OR8D1: variants seen among roughly 807,000 people sequenced by gnomAD.
OR8D1 encodes the protein olfactory receptor 8D1.
For missense variants in OR8D1, 384 were observed against 366.8 expected (o/e 1.05, Z -0.38); for synonymous variants, 143 against 147.0 (o/e 0.97, Z 0.20).
rs558296650 is a variant in OR8D1, at chr11:124,305,920, C to G, written c.*3920G>C. The G allele has an allele frequency of 6.6e-6, 1 of 151,882 alleles. No individual in the cohort carries two copies. Among genetic ancestry groups the G allele is most frequent in the Non-Finnish European group, 1.5e-5 (1 of 67,866 alleles). The allele number at this position is 151,882 out of a possible 1,614,324, so 9.4% of individuals were successfully genotyped here. ...ATACATATCAGTATCATTTATCATG[C>G]CCGTCTTCTTAACTTACTATATACT... On this transcript the variant is annotated 3_prime_UTR_variant, in exon 3 of 3. Coordinates refer to ENST00000641015, the MANE Select transcript of OR8D1 (RefSeq NM_001002917.2).
In OR8D1 at chr11:124,308,238, A is replaced by T. The variant is rs1212038258; in HGVS notation, c.*1602T>A. On this transcript the variant is annotated 3_prime_UTR_variant, in exon 3 of 3. Coordinates refer to ENST00000641015, the MANE Select transcript of OR8D1 (RefSeq NM_001002917.2). ...AGAGAGAGAAGAGGACAGGTTAGAA[A>T]ACTATGTGGCACCAAATGATAATTT... 1 of 152,130 alleles carries T rather than the reference A, an allele frequency of 6.6e-6. No homozygotes were observed. The highest frequency in any genetic ancestry group is 2.4e-5 in the African/African-American group (1 of 41,446). The allele number at this position is 152,130 out of a possible 1,614,324, so 9.4% of individuals were successfully genotyped here.
rs1443478668 is a variant in OR8D1 at position 124,304,981 on chromosome 11, A to G, written c.*4859T>C. 5 of 151,900 alleles carry G rather than the reference A, an allele frequency of 3.3e-5. No homozygotes were observed. Among genetic ancestry groups the G allele is most frequent in the African/African-American group, 4.8e-5 (2 of 41,430 alleles). 9.4% of individuals were successfully genotyped at this position (151,900 alleles called of 1,614,324 possible). On this transcript the variant is annotated 3_prime_UTR_variant, in exon 3 of 3. Coordinates refer to ENST00000641015, the MANE Select transcript of OR8D1 (RefSeq NM_001002917.2). ...TGTAAGAAATGTTTGACTACCTCCC[A>G]GTCACAAAGATAGCTCTTATGCTCC...
rs1429646109 is a variant in OR8D1, at chr11:124,309,433, A to C, written c.*407T>G. 4 of 152,152 alleles carry C rather than the reference A, an allele frequency of 2.6e-5. No individual in the cohort carries two copies. Among genetic ancestry groups the C allele is most frequent in the African/African-American group, 9.7e-5 (4 of 41,236 alleles). 9.4% of individuals were successfully genotyped at this position (152,152 alleles called of 1,614,324 possible). A position where few individuals can be genotyped will look rare whatever the true frequency, so the allele number is the denominator to read the frequency against. ...GTGTATTTGTCTAATTCCCTGAAGA[A>C]TTAATAGATATCTGGGATCAGGCTA... On this transcript the variant is annotated 3_prime_UTR_variant, in exon 3 of 3. Coordinates refer to ENST00000641015, the MANE Select transcript of OR8D1 (RefSeq NM_001002917.2).
Position 124,309,502 on chromosome 11 carries a change from C to T in OR8D1, c.*338G>A, listed in dbSNP as rs540943630. 41 of 159,768 alleles carry T rather than the reference C, an allele frequency of 2.6e-4. No individual in the cohort carries two copies. Among genetic ancestry groups the T allele is most frequent in the African/African-American group, 9.8e-4 (41 of 41,772 alleles). 9.9% of individuals were successfully genotyped at this position (159,768 alleles called of 1,614,324 possible). A position where few individuals can be genotyped will look rare whatever the true frequency, so the allele number is the denominator to read the frequency against. On this transcript the variant is annotated 3_prime_UTR_variant, in exon 3 of 3. Coordinates refer to ENST00000641015, the MANE Select transcript of OR8D1 (RefSeq NM_001002917.2). ...ATATCAGTGGACAACTCAGTACCTC[C>T]CACATAGCAAGTATTCAACAAGCAA...
In OR8D1 at chr11:124,306,741, A is replaced by G. The variant is rs1373898475; in HGVS notation, c.*3099T>C. On this transcript the variant is annotated 3_prime_UTR_variant, in exon 3 of 3. Coordinates refer to ENST00000641015, the MANE Select transcript of OR8D1 (RefSeq NM_001002917.2). The stretch of plus-strand genomic sequence containing the variant: ...ATTTTTTTTACTCTTAACTGATTGG[A>G]ATCTGTTTTTCTAAATCCTAGGGTA... 1 of 151,472 alleles carries G rather than the reference A, an allele frequency of 6.6e-6. No homozygotes were observed. Among genetic ancestry groups the G allele is most frequent in the Non-Finnish European group, 1.5e-5 (1 of 67,852 alleles). The allele number at this position is 151,472 out of a possible 1,614,324, so 9.4% of individuals were successfully genotyped here. A position where few individuals can be genotyped will look rare whatever the true frequency, so the allele number is the denominator to read the frequency against.
chr11:124,309,912 C>A lies in OR8D1; in HGVS notation c.855G>T (p.Leu285=). The change falls in exon 3 of 3, where the codon CTG becomes CTT. Residue 285 remains leucine, a synonymous_variant. Transcript: ENST00000641015. ...TCCTCAGACTGTATATTAAAGGGTTCAGCATGGGGATCACCGTGGTGTAGA... is the reference window on the plus strand; with the variant it reads ...TCCTCAGACTGTATATTAAAGGGTTAAGCATGGGGATCACCGTGGTGTAGA... The part of the protein sequence containing the change: ...SVFYTTVIPM[L]NPLIYSLRNK... 1 of 1,522,276 alleles carries A rather than the reference C, an allele frequency of 6.6e-7. No homozygotes were observed. Among genetic ancestry groups the A allele is most frequent in the South Asian group, 1.3e-5 (1 of 74,634 alleles). The allele number at this position is 1,522,276 out of a possible 1,614,324, so 94.3% of individuals were successfully genotyped here.
At chr11:124,310,877 C>T (rs1435764538) in intron 2 of OR8D1, 95 bp from the exon 3 acceptor site, 1 of 707,504 alleles carries the variant, frequency 1.4e-6, no homozygotes, top group Admixed American at 2.8e-5. Context: ...CAGCAGCTAA[C>T]AGACTGAGTC....
Position 124,306,019 on chromosome 11 carries a change from G to C in OR8D1, c.*3821C>G, listed in dbSNP as rs1004456720. 1 of 151,760 alleles carries C rather than the reference G, an allele frequency of 6.6e-6. No homozygotes were observed. Among genetic ancestry groups the C allele is most frequent in the Non-Finnish European group, 1.5e-5 (1 of 67,844 alleles). 9.4% of individuals were successfully genotyped at this position (151,760 alleles called of 1,614,324 possible). ...ACCATATTTATTCTACTGGATATCT[G>C]AATCTTACTCAAACCTATAACTTTG... On this transcript the variant is annotated 3_prime_UTR_variant, in exon 3 of 3. Coordinates refer to ENST00000641015, the MANE Select transcript of OR8D1 (RefSeq NM_001002917.2).
At position 124,305,237 on chromosome 11, in the gene OR8D1, T is replaced by C. The variant is rs1862358872; in HGVS notation, c.*4603A>G. On this transcript the variant is annotated 3_prime_UTR_variant, in exon 3 of 3. Transcript: ENST00000641015. The stretch of plus-strand genomic sequence containing the variant: ...GTCAGTTGATCTTAACAAAGGAAAA[T>C]GTCAAGGCAAGTTGATAGTGCTATG... 1 of 151,764 alleles carries C rather than the reference T, an allele frequency of 6.6e-6. No individual in the cohort carries two copies. Among genetic ancestry groups the C allele is most frequent in the African/African-American group, 2.4e-5 (1 of 41,358 alleles). The allele number at this position is 151,764 out of a possible 1,614,324, so 9.4% of individuals were successfully genotyped here.
chr11:124,312,997 A>T (rs1485667327), intron 1 of OR8D1, among the ~76,000 whole-genome samples: 1 of 151,292 alleles, frequency 6.6e-6, no homozygotes. Context: ...AACATGGTGA[A>T]ACCCTGTCTC....
rs975983735 is a variant in OR8D1, at chr11:124,308,262, T to C, written c.*1578A>G. On this transcript the variant is annotated 3_prime_UTR_variant, in exon 3 of 3. Transcript: ENST00000641015. ...AAACTATGTGGCACCAAATGATAAT[T>C]TGAAGGTCAGGATCCTGGATTCAGA... The C allele has an allele frequency of 1.3e-5, 2 of 152,052 alleles. No homozygotes were observed. Among genetic ancestry groups the C allele is most frequent in the African/African-American group, 4.8e-5 (2 of 41,400 alleles). 9.4% of individuals were successfully genotyped at this position (152,052 alleles called of 1,614,324 possible).
Position 124,308,028 on chromosome 11 carries a change from G to A in OR8D1, c.*1812C>T, listed in dbSNP as rs1473349324. Reference sequence around the variant, plus strand: ...ACTGAGAAAGAGAAACAGTTCAATTGAATTATTGCAAAGCTAACAACTAAG... The same window carrying A: ...ACTGAGAAAGAGAAACAGTTCAATTAAATTATTGCAAAGCTAACAACTAAG... On this transcript the variant is annotated 3_prime_UTR_variant, in exon 3 of 3. Coordinates refer to ENST00000641015, the MANE Select transcript of OR8D1 (RefSeq NM_001002917.2). The A allele has an allele frequency of 6.6e-6, 1 of 152,088 alleles. No homozygotes were observed. The highest frequency in any genetic ancestry group is 2.4e-5 in the African/African-American group (1 of 41,426). 9.4% of individuals were successfully genotyped at this position (152,088 alleles called of 1,614,324 possible).
In OR8D1 at chr11:124,312,948, C is replaced by T. The variant is rs555857857; in HGVS notation, c.-122+773G>A. The stretch of plus-strand genomic sequence containing the variant: ...CAGAACTTTGGGAGGCTGAGGTGAG[C>T]GGATCACCTGAAATCAGGAGTTCAA... On this transcript the variant is annotated intron_variant, in intron 1 of 2. Coordinates refer to ENST00000641015, the MANE Select transcript of OR8D1 (RefSeq NM_001002917.2). Among the ~76,000 whole-genome samples, 3 of 151,782 alleles carry T rather than the reference C, an allele frequency of 2.0e-5. No individual in the cohort carries two copies. The South Asian group carries it at 6.2e-4, about 32-fold the overall frequency.
At position 124,313,824 on chromosome 11, in the gene OR8D1, A is replaced by G. The variant is rs961466991; in HGVS notation, c.-225T>C. 1.3e-5 allele frequency: 2 copies of G among 152,188 alleles called. No individual in the cohort carries two copies. Among genetic ancestry groups the G allele is most frequent in the Admixed American group, 6.5e-5 (1 of 15,272 alleles). The allele number at this position is 152,188 out of a possible 1,614,324, so 9.4% of individuals were successfully genotyped here. The stretch of plus-strand genomic sequence containing the variant: ...AGAACAAAGTCTTTCCCACTACCTT[A>G]TACACACATTTATATGCCAAGGGCT... On this transcript the variant is annotated 5_prime_UTR_variant, in exon 1 of 3. The change abolishes the stop of an existing upstream ORF in the 5' untranslated region. Transcript: ENST00000641015.
rs1246507047 is a variant in OR8D1 at position 124,309,454 on chromosome 11, G to A, written c.*386C>T. Reference sequence around the variant, plus strand: ...AAGAATTAATAGATATCTGGGATCAGGCTAACATACCTCTTAGCATTCATA... The same window carrying A: ...AAGAATTAATAGATATCTGGGATCAAGCTAACATACCTCTTAGCATTCATA... On this transcript the variant is annotated 3_prime_UTR_variant, in exon 3 of 3. Coordinates refer to ENST00000641015, the MANE Select transcript of OR8D1 (RefSeq NM_001002917.2). The A allele has an allele frequency of 6.5e-6, 1 of 152,752 alleles. No individual in the cohort carries two copies. The highest frequency in any genetic ancestry group is 1.5e-5 in the Non-Finnish European group (1 of 68,844). 9.5% of individuals were successfully genotyped at this position (152,752 alleles called of 1,614,324 possible).
Position 124,309,819 on chromosome 11 carries a change from A to G in OR8D1, c.*21T>C, listed in dbSNP as rs1471727460. 23 of 1,359,482 alleles carry G rather than the reference A, an allele frequency of 1.7e-5. No individual in the cohort carries two copies. Among genetic ancestry groups the G allele is most frequent in the South Asian group, 2.3e-5 (1 of 43,784 alleles). The allele number at this position is 1,359,482 out of a possible 1,614,324, so 84.2% of individuals were successfully genotyped here. On this transcript the variant is annotated 3_prime_UTR_variant, in exon 3 of 3. Transcript: ENST00000641015. ...TTGGAACTATTCATTTTTCCCATCT[A>G]TAAATCCCCCAAATCAGGACTCATT...
chr11:124,311,960 G>A (rs961086936), intron 1 of OR8D1, among the ~76,000 whole-genome samples: 1 of 152,178 alleles, frequency 6.6e-6, no homozygotes, highest in African/African-American at 2.4e-5. Flanking sequence ...TGAATGGAAA[G>A]GTTTGGGTAT....
chr11:124,310,012 A>T lies in OR8D1; in HGVS notation c.755T>A (p.Phe252Tyr). 6.2e-7 allele frequency: 1 copy of T among 1,601,738 alleles called. No homozygotes were observed. Among genetic ancestry groups the T allele is most frequent in the East Asian group, 2.2e-5 (1 of 44,716 alleles). The change falls in exon 3 of 3, where the codon TTT becomes TAT. Residue 252 changes from phenylalanine (F) to tyrosine (Y), a missense_variant. Physicochemically the swap from Phe to Tyr is conservative, Grantham distance 22. Transcript: ENST00000641015. The part of the protein sequence containing the change: ...SSHLMAVVIF[F>Y]GSITFMYFKP... The stretch of plus-strand genomic sequence containing the variant: ...GAAATACATGAAGGTAATGGACCCA[A>T]AGAAGATCACCACAGCCATGAGATG...
In OR8D1 at chr11:124,310,772, T is replaced by C; in HGVS notation, c.-6A>G. On this transcript the variant is annotated 5_prime_UTR_variant, in exon 3 of 3. Transcript: ENST00000641015. Reference sequence around the variant, plus strand: ...GAATAATTTTCCATGGTCATTCTTCTTTAGGCATTTCTGTGAAAATAGAAA... The same window carrying C: ...GAATAATTTTCCATGGTCATTCTTCCTTAGGCATTTCTGTGAAAATAGAAA... 6.2e-7 allele frequency: 1 copy of C among 1,600,052 alleles called. No individual in the cohort carries two copies. The highest frequency in any genetic ancestry group is 8.5e-7 in the Non-Finnish European group (1 of 1,171,664).
Sources: allele counts gnomAD v4.1 joint callset (sites outside exome capture counted in the v4.1 genomes callset), GRCh38; gene constraint gnomAD v4.1.1; transcripts MANE v1.5; gene names NCBI Gene and HGNC (gene_info 2026-07-23, HGNC 2026-07-21).